TMEM163: variants seen among roughly 807,000 people sequenced by gnomAD.
The protein encoded by TMEM163 is transmembrane protein 163.
In TMEM163, 17 loss-of-function variants were observed where a neutral mutation model predicts 29.3. That is an observed-to-expected ratio of 0.58 (90% CI 0.40 to 0.87). The LOEUF (loss-of-function observed/expected upper bound fraction) is 0.87, where lower values mean the gene tolerates loss of function less well. Ranked by LOEUF, TMEM163 falls within the 40% of genes least tolerant of loss-of-function variation. The pLI is 0.00. For synonymous variants in TMEM163, 157 were observed against 160.6 expected (o/e 0.98, Z 0.17); for missense variants, 303 against 381.5 (o/e 0.79, Z 1.71).
chr2:134,640,000 C>G (rs1683191408), intron 2 of TMEM163, among the ~76,000 whole-genome samples: 1 of 152,126 alleles, frequency 6.6e-6, no homozygotes, highest in Admixed American at 6.5e-5. Context: ...CCCCAGTTTC[C>G]CCAGAGTATA....
intron 2 of TMEM163, among the ~76,000 whole-genome samples, chr2:134,695,699 C>T (rs1684563855): frequency 6.6e-6 from 1 of 152,084 alleles, no homozygotes; most frequent in Non-Finnish European, 1.5e-5. Context: ...ATGGTTTGTG[C>T]TTTCTGTGTC....
chr2:134,602,378 G>T (rs1001399046), intron 2 of TMEM163, among the ~76,000 whole-genome samples: 1 of 152,130 alleles, frequency 6.6e-6, no homozygotes, highest in African/African-American at 2.4e-5. Flanking sequence ...AGCCACAGCA[G>T]CAACCTCATC....
intron 2 of TMEM163, among the ~76,000 whole-genome samples, chr2:134,630,864 G>A (rs568495845): frequency 2.6e-5 from 4 of 152,150 alleles, no homozygotes; most frequent in Non-Finnish European, 5.9e-5. Context: ...AGGGACAGAG[G>A]GGGAGTTCTG....
Position 134,484,462 on chromosome 2 carries a change from T to A in TMEM163, c.556-18237A>T, listed in dbSNP as rs149406251. ...GGGAGGCTGAAGAGGGAGGATTACT[T>A]GAACTCAAAACCAGCCTGAGCAACA... On this transcript the variant is annotated intron_variant, in intron 5 of 7. Coordinates refer to ENST00000281924, the MANE Select transcript of TMEM163 (RefSeq NM_030923.5). Among the ~76,000 whole-genome samples the A allele has an allele frequency of 1.2e-3, 188 of 152,178 alleles. 4 individuals carry two copies. The East Asian group carries it at 0.03, about 24-fold the overall frequency.
intron 2 of TMEM163, among the ~76,000 whole-genome samples, chr2:134,635,362 T>C (rs1414223491): frequency 6.6e-6 from 1 of 152,062 alleles, no homozygotes; most frequent in Non-Finnish European, 1.5e-5. Flanking sequence ...ACTCCAAAAT[T>C]GCCCCCTTAA....
rs574081087 is a variant in TMEM163 at position 134,526,735 on chromosome 2, C to A, written c.459-23738G>T. On this transcript the variant is annotated intron_variant, in intron 4 of 7. Transcript: ENST00000281924. ...GGGAAAATAGCCCGGCAATGCAGTGCAGGCTGACAGGTCCTCTTACAGAAC... is the reference window on the plus strand; with the variant it reads ...GGGAAAATAGCCCGGCAATGCAGTGAAGGCTGACAGGTCCTCTTACAGAAC... Among the ~76,000 whole-genome samples, 129 of 152,286 alleles carry A rather than the reference C, an allele frequency of 8.5e-4. 1 individual carries two copies. The highest frequency in any genetic ancestry group is 1.7e-3 in the Non-Finnish European group (116 of 68,020).
At position 134,515,154 on chromosome 2, in the gene TMEM163, A is replaced by G. The variant is rs796956010; in HGVS notation, c.459-12157T>C. Among the ~76,000 whole-genome samples, 3 of 152,204 alleles carry G rather than the reference A, an allele frequency of 2.0e-5. No homozygotes were observed. In the East Asian group the frequency reaches 5.8e-4, roughly 29 times the overall value. Reference sequence around the variant, plus strand: ...TTGCCTGTCCGAATGATAACAGATGAGTCATCTCGAGCCTTAGTCCATCCT... The same window carrying G: ...TTGCCTGTCCGAATGATAACAGATGGGTCATCTCGAGCCTTAGTCCATCCT... On this transcript the variant is annotated intron_variant, in intron 4 of 7. Transcript: ENST00000281924.
chr2:134,619,556 G>A (rs1055947877), intron 2 of TMEM163, among the ~76,000 whole-genome samples: 4 of 152,148 alleles, frequency 2.6e-5, no homozygotes, highest in African/African-American at 9.6e-5. Context: ...AATTCATGGG[G>A]AAAAAAAGAA....
At chr2:134,694,398 A>T (rs955240178) in intron 2 of TMEM163, among the ~76,000 whole-genome samples, 5 of 152,230 alleles carry the variant, frequency 3.3e-5, no homozygotes, top group African/African-American at 1.2e-4. Context: ...TCTGGGAAGA[A>T]TGGCACTGCC....
At chr2:134,503,886 C>T (rs113819652) in intron 4 of TMEM163, among the ~76,000 whole-genome samples, 7,172 of 151,662 alleles carry the variant, frequency 0.047, 577 homozygotes, top group African/African-American at 0.16. Context: ...TGAAGAGTGA[C>T]GGAAGATGAA....
At chr2:134,594,964 T>C (rs141594364) in intron 2 of TMEM163, among the ~76,000 whole-genome samples, 14 of 151,804 alleles carry the variant, frequency 9.2e-5, no homozygotes, top group Admixed American at 5.9e-4. Flanking sequence ...AGCAAGGTAA[T>C]AGGTTACTGA....
intron 4 of TMEM163, among the ~76,000 whole-genome samples, chr2:134,519,508 G>A (rs1380019112): frequency 6.6e-6 from 1 of 151,986 alleles, no homozygotes. Context: ...TCAGGAGATC[G>A]AGACCATCCT....
intron 2 of TMEM163, among the ~76,000 whole-genome samples, chr2:134,664,747 T>TC (rs1316484913): frequency 4.6e-5 from 7 of 152,160 alleles, no homozygotes; most frequent in Non-Finnish European, 8.8e-5. Context: ...AATGGCGGAT[T>TC]CTCTGCTGCT....
chr2:134,615,651 C>CTTTTTTTTTTTTT (rs35159964), intron 2 of TMEM163, among the ~76,000 whole-genome samples: 2 of 79,150 alleles, frequency 2.5e-5, no homozygotes, highest in African/African-American at 5.3e-5. Context: ...AAGAGCAGAG[C>CTTTTTTTTTTTTT]TTTTTTTTTT....
intron 2 of TMEM163, among the ~76,000 whole-genome samples, chr2:134,645,177 G>A (rs1683306616): frequency 6.6e-6 from 1 of 152,182 alleles, no homozygotes. Context: ...ATACAAAATG[G>A]TATAACCAGT....
At chr2:134,659,813 G>A (rs1354223397) in intron 2 of TMEM163, among the ~76,000 whole-genome samples, 1 of 152,026 alleles carries the variant, frequency 6.6e-6, no homozygotes, top group African/African-American at 2.4e-5. Flanking sequence ...GGGTGGTGGT[G>A]TGAGCCTGTA....
chr2:134,668,288 G>A (rs1489248134), intron 2 of TMEM163, among the ~76,000 whole-genome samples: 3 of 151,872 alleles, frequency 2.0e-5, no homozygotes, highest in African/African-American at 7.3e-5. Flanking sequence ...CTCATCAGTG[G>A]CCACATATCC....
chr2:134,632,448 G>T (rs142197528), intron 2 of TMEM163, among the ~76,000 whole-genome samples: 1 of 152,314 alleles, frequency 6.6e-6, no homozygotes, highest in East Asian at 1.9e-4. Flanking sequence ...ATGTCAAGAA[G>T]GTGTCTTAGT....
At chr2:134,618,943 CA>C (rs1682669318) in intron 2 of TMEM163, among the ~76,000 whole-genome samples, 1 of 151,564 alleles carries the variant, frequency 6.6e-6, no homozygotes, top group Non-Finnish European at 1.5e-5. Flanking sequence ...ACATTAAACC[CA>C]AAGTAAACAG....
Sources: gnomAD v4.1 joint callset for allele counts (sites outside exome capture counted in the v4.1 genomes callset) on GRCh38, gnomAD v4.1.1 for gene constraint, MANE v1.5 for transcripts, NCBI Gene and HGNC (gene_info 2026-07-23, HGNC 2026-07-21) for gene names.